Variants in MROH9 observed in about 807,000 individuals in gnomAD.
The protein encoded by MROH9 is maestro heat like repeat family member 9.
MROH9 carries 92 observed loss-of-function variants against 98.2 expected under a neutral mutation model. That is an observed-to-expected ratio of 0.94 (90% CI 0.79 to 1.11). The LOEUF is 1.11. Among genes scored for constraint, MROH9 ranks in the 50% most tolerant of loss-of-function variants. The pLI is 0.00. For missense variants in MROH9, 1,057 were observed against 1,014.8 expected (o/e 1.04, Z -0.57); for synonymous variants, 397 against 368.9 (o/e 1.08, Z -0.87).
intron 1 of MROH9, among the ~76,000 whole-genome samples, chr1:170,938,946 T>A (rs573789605): frequency 6.6e-6 from 1 of 152,340 alleles, no homozygotes; most frequent in South Asian, 2.1e-4. Context: ...GACCCATACA[T>A]AATTTACATC....
intron 15 of MROH9, among the ~76,000 whole-genome samples, 152 bp from the exon 16 acceptor site, chr1:171,013,965 C>A (rs1312661057): frequency 2.0e-5 from 3 of 152,038 alleles, no homozygotes; most frequent in Non-Finnish European, 4.4e-5. Context: ...TGATTGTTGT[C>A]TCTCCCCACT....
At chr1:170,986,528 G>A in intron 9 of MROH9, 33 bp from the exon 10 acceptor site, 1 of 1,602,026 alleles carries the variant, frequency 6.2e-7, no homozygotes, top group South Asian at 1.1e-5. Flanking sequence ...TGTGAGTAAG[G>A]CCTGAGGTCA....
intron 12 of MROH9, 60 bp from the exon 13 acceptor site, chr1:170,995,329 G>A: frequency 6.3e-7 from 1 of 1,593,884 alleles, no homozygotes; most frequent in Non-Finnish European, 8.6e-7. Context: ...CCCTCAGTAA[G>A]GTTGACCGGG....
chr1:171,026,928 A>G (rs1221255828), intron 20 of MROH9, among the ~76,000 whole-genome samples: 1 of 152,136 alleles, frequency 6.6e-6, no homozygotes, highest in Non-Finnish European at 1.5e-5. Flanking sequence ...TACAAGGGGG[A>G]AAAAGTAAGA....
At chr1:170,970,729 T>TGAGAGA (rs1336944318) in intron 7 of MROH9, among the ~76,000 whole-genome samples, 140 of 102,124 alleles carry the variant, frequency 1.4e-3, no homozygotes, top group African/African-American at 4.2e-3. Context: ...TGTGTGTGTG[T>TGAGAGA]GTGAGAGAGA....
At chr1:171,020,788 A>G (rs1652491624) in intron 17 of MROH9, among the ~76,000 whole-genome samples, 1 of 152,182 alleles carries the variant, frequency 6.6e-6, no homozygotes, top group Non-Finnish European at 1.5e-5. Flanking sequence ...GGAAAAAAGT[A>G]AATGGTACTC....
chr1:171,024,448 G>C lies in MROH9; in HGVS notation c.1962G>C (p.Arg654Ser). ...MAIRHFGQLV[R>S]DMRQYTWMVN... ...TTCGACACTTTGGTCAATTAGTTAG[G>C]GATATGAGACAGTACACATGGATGG... The change falls in exon 18 of 22, where the codon AGG (arginine) becomes AGC (serine). Residue 654 changes from arginine to serine, a missense_variant. By Grantham distance (110) the Arg-to-Ser change is moderately radical. Transcript: ENST00000367759. 1 of 1,551,326 alleles carries C rather than the reference G, an allele frequency of 6.4e-7. No individual in the cohort carries two copies. The highest frequency in any genetic ancestry group is 1.4e-5 in the African/African-American group (1 of 73,072).
At chr1:171,031,507 G>C (rs1048692874) in intron 20 of MROH9, among the ~76,000 whole-genome samples, 1 of 151,858 alleles carries the variant, frequency 6.6e-6, no homozygotes, top group Admixed American at 6.6e-5. Flanking sequence ...CATTTGTCTT[G>C]AAATGATTTT....
At chr1:170,940,454 G>C (rs1344246534) in intron 1 of MROH9, among the ~76,000 whole-genome samples, 1 of 152,230 alleles carries the variant, frequency 6.6e-6, no homozygotes, top group Non-Finnish European at 1.5e-5. Flanking sequence ...TACAGCTGGA[G>C]AGTTGACATG....
chr1:170,986,999 TA>T (rs553506002), intron 10 of MROH9, among the ~76,000 whole-genome samples: 86 of 151,884 alleles, frequency 5.7e-4, no homozygotes, highest in Admixed American at 3.7e-3. Flanking sequence ...TACAGGCATG[TA>T]CCACCACACC....
At chr1:170,955,211 C>T (rs1242598524) in intron 3 of MROH9, among the ~76,000 whole-genome samples, 1 of 151,892 alleles carries the variant, frequency 6.6e-6, no homozygotes, top group African/African-American at 2.4e-5. Flanking sequence ...GTTTCTTTAT[C>T]CACTTGTTGA....
chr1:171,016,801 T>C (rs943177713), intron 17 of MROH9, among the ~76,000 whole-genome samples: 4 of 152,224 alleles, frequency 2.6e-5, no homozygotes, highest in Admixed American at 6.5e-5. Context: ...TTTGTTATTA[T>C]CATATAAAAC....
intron 20 of MROH9, among the ~76,000 whole-genome samples, chr1:171,031,531 T>C (rs1652913854): frequency 6.6e-6 from 1 of 152,222 alleles, no homozygotes; most frequent in South Asian, 2.1e-4. Flanking sequence ...TCTCCTTTGC[T>C]TATGAAGCTT....
chr1:171,040,137 T>A (rs956187460), intron 20 of MROH9, among the ~76,000 whole-genome samples: 1 of 152,088 alleles, frequency 6.6e-6, no homozygotes. Context: ...CTCACTTATA[T>A]GTGAAATCTT....
intron 20 of MROH9, among the ~76,000 whole-genome samples, chr1:171,054,119 TACA>T (rs1653754530): frequency 1.3e-5 from 2 of 152,200 alleles, no homozygotes; most frequent in Admixed American, 6.5e-5. Flanking sequence ...GTTTTCTAGA[TACA>T]ACATCAGTAT....
In MROH9 at chr1:171,064,471, G is replaced by GA; in HGVS notation, c.*136dup. The GA allele has an allele frequency of 3.3e-6, 3 of 912,180 alleles. No individual in the cohort carries two copies. Among genetic ancestry groups the GA allele is most frequent in the Non-Finnish European group, 4.7e-6 (3 of 638,500 alleles). 56.5% of individuals were successfully genotyped at this position (912,180 alleles called of 1,614,324 possible). A position where few individuals can be genotyped will look rare whatever the true frequency, so the allele number is the denominator to read the frequency against. ...TGAGTCTGTTTGTAGATGCTTTTCT[G>GA]AAAAATTCTGGAAGCTTTTACTGTT... On this transcript the variant is annotated 3_prime_UTR_variant, in exon 22 of 22. Coordinates refer to ENST00000367759, the MANE Select transcript of MROH9 (RefSeq NM_001163629.2).
At chr1:170,935,855 G>C (rs28537765) in intron 1 of MROH9, among the ~76,000 whole-genome samples, 23,881 of 151,340 alleles carry the variant, frequency 0.16, 2,041 homozygotes, top group Non-Finnish European at 0.2. Flanking sequence ...AGCTGGGTGT[G>C]GTGGCGGGTG....
chr1:170,978,465 G>A (rs991894019), intron 8 of MROH9, among the ~76,000 whole-genome samples: 4 of 152,088 alleles, frequency 2.6e-5, no homozygotes, highest in Non-Finnish European at 2.9e-5. Context: ...TGTAAGCCAG[G>A]GGCCCTGGCT....
intron 20 of MROH9, among the ~76,000 whole-genome samples, chr1:171,049,317 C>T (rs113244067): frequency 8.5e-5 from 13 of 152,274 alleles, no homozygotes; most frequent in African/African-American, 2.9e-4. Flanking sequence ...CCACTACCCC[C>T]ACCCCCAGCC....
Sources: allele counts gnomAD v4.1 joint callset (sites outside exome capture counted in the v4.1 genomes callset), GRCh38; gene constraint gnomAD v4.1.1; transcripts MANE v1.5; gene names NCBI Gene and HGNC (gene_info 2026-07-23, HGNC 2026-07-21).